Variants in CSMD3 observed in about 807,000 individuals in gnomAD.
CSMD3 encodes the protein CUB and sushi domain-containing protein 3.
CSMD3 carries 177 observed loss-of-function variants against 435.2 expected under a neutral mutation model. The ratio of observed to expected loss-of-function variants is 0.41; its 90% CI spans 0.36 to 0.46. The LOEUF is 0.46. Among genes scored for constraint, CSMD3 ranks in the 20% least tolerant of loss-of-function variants. The pLI, the probability that CSMD3 is intolerant of heterozygous loss-of-function variation, is 0.34. For missense variants in CSMD3, 4,265 were observed against 4,504.6 expected, an observed-to-expected ratio of 0.95 and a Z score of 1.52; for synonymous variants, 1,656 against 1,520.5, an observed-to-expected ratio of 1.09 and a Z score of -2.07.
At chr8:112,844,066 C>T (rs1388834127) in intron 11 of CSMD3, among the ~76,000 whole-genome samples, 1 of 151,662 alleles carries the variant, frequency 6.6e-6, no homozygotes, top group Non-Finnish European at 1.5e-5. Context: ...TGTTTCTGCA[C>T]CTATACAATC....
At position 112,410,648 on chromosome 8, in the gene CSMD3, A is replaced by ATGTATATATATATG. The variant is rs1586233723; in HGVS notation, c.5396-1617_5396-1616insCATATATATATACA. On this transcript the variant is annotated intron_variant, in intron 32 of 70. Transcript: ENST00000297405. ...TATGTGTATATATATGTATATATAT[A>ATGTATATATATATG]TGTGTATATATATGTATATATATAT... Among the ~76,000 whole-genome samples the ATGTATATATATATG allele has an allele frequency of 1.7e-4, 5 of 29,446 alleles. 1 individual carries two copies. The highest frequency in any genetic ancestry group is 1.3e-3 in the South Asian group (2 of 1,524). The allele number at this position is 29,446 out of a possible 152,430, so 19.3% of individuals were successfully genotyped here.
At chr8:113,055,170 C>T (rs1209450571) in intron 5 of CSMD3, among the ~76,000 whole-genome samples, 1 of 152,102 alleles carries the variant, frequency 6.6e-6, no homozygotes, top group African/African-American at 2.4e-5. Flanking sequence ...CTTTCTTCCA[C>T]CAAAAAGTCT....
chr8:112,793,156 T>TA (rs2078735020), intron 13 of CSMD3, among the ~76,000 whole-genome samples: 1 of 147,510 alleles, frequency 6.8e-6, no homozygotes, highest in Non-Finnish European at 1.5e-5. Flanking sequence ...CATATTAAAT[T>TA]AATATATTAA....
chr8:112,517,425 C>G (rs1328939199), intron 27 of CSMD3, among the ~76,000 whole-genome samples, 200 bp from the exon 28 acceptor site: 1 of 151,886 alleles, frequency 6.6e-6, no homozygotes, highest in Admixed American at 6.6e-5. Context: ...TTACCAAATA[C>G]TAGATTTACT....
chr8:112,322,317 T>G (rs1017932312), intron 45 of CSMD3, among the ~76,000 whole-genome samples: 1 of 152,086 alleles, frequency 6.6e-6, no homozygotes, highest in Non-Finnish European at 1.5e-5. Flanking sequence ...GTTGTAATTT[T>G]TTACTAAAGA....
chr8:112,991,124 TTAA>T (rs1204902381), intron 6 of CSMD3, among the ~76,000 whole-genome samples: 1 of 151,778 alleles, frequency 6.6e-6, no homozygotes, highest in Non-Finnish European at 1.5e-5. Context: ...GAGGACCTAC[TTAA>T]TCATTTTTCA....
chr8:112,246,324 C>T (rs1814720633), intron 64 of CSMD3, among the ~76,000 whole-genome samples: 1 of 152,112 alleles, frequency 6.6e-6, no homozygotes, highest in Non-Finnish European at 1.5e-5. Context: ...ATAAGTGTTT[C>T]CACTCCAGCT....
intron 3 of CSMD3, among the ~76,000 whole-genome samples, chr8:113,249,253 C>T (rs2093311558): frequency 6.6e-6 from 1 of 152,098 alleles, no homozygotes; most frequent in South Asian, 2.1e-4. Flanking sequence ...TTATAAATTA[C>T]CCAGCCTTGA....
chr8:112,267,551 C>A (rs945786065), intron 59 of CSMD3, among the ~76,000 whole-genome samples: 9 of 151,658 alleles, frequency 5.9e-5, no homozygotes, highest in Non-Finnish European at 1.2e-4. Context: ...ATATTTATAA[C>A]CAAGATTTTT....
chr8:113,344,854 C>T (rs1004999837), intron 1 of CSMD3, among the ~76,000 whole-genome samples: 2 of 151,928 alleles, frequency 1.3e-5, no homozygotes, highest in African/African-American at 4.8e-5. Flanking sequence ...GTTAAAATAA[C>T]TTTACCTTAA....
rs1475774187 is a variant in CSMD3 at position 112,556,924 on chromosome 8, C to A, written c.4073G>T (p.Gly1358Val). Reference protein sequence around the residue: ...SFELSHCEDPGIPQFGYKISD... With the variant: ...SFELSHCEDPVIPQFGYKISD... ...GATCTTGTATCCAAATTGTGGAATG[C>A]CAGGATCTTCACAGTGTGAGAGTTC... The change falls in exon 25 of 71, where the codon GGC becomes GTC. Residue 1358 changes from glycine to valine, a missense_variant. Physicochemically the swap from Gly to Val is moderately radical, Grantham distance 109. Coordinates refer to ENST00000297405, the MANE Select transcript of CSMD3 (RefSeq NM_198123.2). 7 of 1,611,830 alleles carry A rather than the reference C, an allele frequency of 4.3e-6. 1 individual carries two copies. The highest frequency in any genetic ancestry group is 3.3e-4 in the Middle Eastern group (2 of 6,054).
At chr8:112,316,780 T>C (rs1013065063) in intron 47 of CSMD3, among the ~76,000 whole-genome samples, 3 of 151,884 alleles carry the variant, frequency 2.0e-5, no homozygotes, top group Non-Finnish European at 4.4e-5. Flanking sequence ...AATGTAAGCA[T>C]CCATTAAATT....
intron 1 of CSMD3, among the ~76,000 whole-genome samples, chr8:113,365,855 A>T (rs548102783): frequency 1.3e-5 from 2 of 152,018 alleles, no homozygotes; most frequent in African/African-American, 2.4e-5. Flanking sequence ...TGTCATTTTT[A>T]TATGTATCAC....
chr8:112,621,834 T>G (rs1197390392), intron 22 of CSMD3, among the ~76,000 whole-genome samples: 3 of 152,182 alleles, frequency 2.0e-5, no homozygotes, highest in African/African-American at 7.2e-5. Context: ...TTCAAAAATA[T>G]CTATATGCTA....
chr8:113,371,314 G>T (rs989165973), intron 1 of CSMD3, among the ~76,000 whole-genome samples: 1 of 151,694 alleles, frequency 6.6e-6, no homozygotes, highest in Non-Finnish European at 1.5e-5. Flanking sequence ...GTGGAATATT[G>T]GGAATATCAG....
chr8:113,288,129 T>C (rs1003047510), intron 2 of CSMD3, among the ~76,000 whole-genome samples: 1 of 151,890 alleles, frequency 6.6e-6, no homozygotes, highest in African/African-American at 2.4e-5. Flanking sequence ...GATAAGATGA[T>C]ATTGACAGTA....
chr8:113,152,777 G>T (rs558086900), intron 4 of CSMD3, among the ~76,000 whole-genome samples: 18 of 151,880 alleles, frequency 1.2e-4, no homozygotes, highest in African/African-American at 4.3e-4. Context: ...CCAGGAGTTT[G>T]AAACTAGCCT....
chr8:112,879,811 A>C (rs2081397112), intron 10 of CSMD3, among the ~76,000 whole-genome samples: 1 of 152,082 alleles, frequency 6.6e-6, no homozygotes, highest in Admixed American at 6.6e-5. Flanking sequence ...TCAGCAAACT[A>C]ACACAGGAAC....
intron 38 of CSMD3, among the ~76,000 whole-genome samples, chr8:112,364,913 T>C (rs1011764684): frequency 6.6e-6 from 1 of 152,084 alleles, no homozygotes; most frequent in Non-Finnish European, 1.5e-5. Context: ...AAAAGAAAAC[T>C]TGAATACTTC....
Sources: allele counts gnomAD v4.1 joint callset (sites outside exome capture counted in the v4.1 genomes callset), GRCh38; gene constraint gnomAD v4.1.1; transcripts MANE v1.5; gene names NCBI Gene and HGNC (gene_info 2026-07-23, HGNC 2026-07-21).